The following GPD2 variants were observed in gnomAD, a reference collection of about 807,000 sequenced individuals.
The protein encoded by GPD2 is glycerol-3-phosphate dehydrogenase, mitochondrial.
A neutral mutation model predicts 82.4 loss-of-function variants in GPD2; 54 were observed. That is an observed-to-expected ratio of 0.66 (90% CI 0.53 to 0.82). The LOEUF (loss-of-function observed/expected upper bound fraction) is 0.82. Among genes scored for constraint, GPD2 ranks in the 40% least tolerant of loss-of-function variants. The pLI is 0.00. For synonymous variants in GPD2, 288 were observed against 306.1 expected (o/e 0.94, Z 0.62); for missense variants, 748 against 896.2 (o/e 0.83, Z 2.11).
chr2:156,508,883 A>T (rs1462233476), intron 3 of GPD2, among the ~76,000 whole-genome samples: 1 of 152,152 alleles, frequency 6.6e-6, no homozygotes, highest in Admixed American at 6.5e-5. Context: ...GTGGAGTATG[A>T]TGAGAGTCTT....
chr2:156,502,088 C>G (rs1684604185), intron 3 of GPD2, among the ~76,000 whole-genome samples: 1 of 136,666 alleles, frequency 7.3e-6, no homozygotes, highest in African/African-American at 2.7e-5. Context: ...CCACTCCCCC[C>G]GATTTATATA....
At chr2:156,418,727 C>G in the GPD2 span, among the ~76,000 whole-genome samples, 1 of 152,118 alleles carries the variant, frequency 6.6e-6, no homozygotes, top group African/African-American at 2.4e-5. Context: ...CCAAAGCTTT[C>G]ATACAATCCT....
upstream of GPD2, among the ~76,000 whole-genome samples, chr2:156,434,832 T>G (rs948914345): frequency 1.3e-5 from 2 of 152,232 alleles, no homozygotes; most frequent in African/African-American, 4.8e-5. Context: ...CCCCAGAGTC[T>G]ATGAATCAGG....
At chr2:156,486,404 G>C (rs999460783) in intron 2 of GPD2, among the ~76,000 whole-genome samples, 1 of 152,248 alleles carries the variant, frequency 6.6e-6, no homozygotes, top group African/African-American at 2.4e-5. Flanking sequence ...TTGACAGCTG[G>C]TGAGCTGCTA....
At chr2:156,418,767 G>T in the GPD2 span, among the ~76,000 whole-genome samples, 2 of 152,166 alleles carry the variant, frequency 1.3e-5, no homozygotes, top group Non-Finnish European at 2.9e-5. Flanking sequence ...GGAAGAAGGG[G>T]AATTCTGTTG....
intron 9 of GPD2, among the ~76,000 whole-genome samples, chr2:156,566,730 T>C (rs1203455775): frequency 6.6e-6 from 1 of 152,158 alleles, no homozygotes; most frequent in Non-Finnish European, 1.5e-5. Context: ...GAAGTGTAAT[T>C]GCTAGATCTT....
the GPD2 span, among the ~76,000 whole-genome samples, chr2:156,426,720 C>A: frequency 6.6e-6 from 1 of 152,030 alleles, no homozygotes; most frequent in Non-Finnish European, 1.5e-5. Flanking sequence ...CTCAGAGAAG[C>A]CTTTTGTCCT....
chr2:156,456,352 G>A (rs1400777606), intron 1 of GPD2, among the ~76,000 whole-genome samples: 20 of 151,962 alleles, frequency 1.3e-4, no homozygotes, highest in Admixed American at 1.2e-3. Flanking sequence ...ATCTATAACC[G>A]TAGCACTTTG....
chr2:156,456,157 G>A (rs938468433), intron 1 of GPD2, among the ~76,000 whole-genome samples: 6 of 152,012 alleles, frequency 3.9e-5, no homozygotes, highest in Non-Finnish European at 8.8e-5. Context: ...AATCATTAAC[G>A]TTTTCAGTGG....
intron 1 of GPD2, among the ~76,000 whole-genome samples, chr2:156,461,153 C>G (rs1409869698): frequency 7.9e-6 from 1 of 127,350 alleles, no homozygotes; most frequent in Non-Finnish European, 1.6e-5. Context: ...CATTATCTCT[C>G]TCTATCTCTT....
chr2:156,454,229 G>A (rs1682714634), intron 1 of GPD2, among the ~76,000 whole-genome samples: 1 of 152,168 alleles, frequency 6.6e-6, no homozygotes, highest in South Asian at 2.1e-4. Flanking sequence ...GGTTCTGGGG[G>A]CCTTTTGTGA....
intron 1 of GPD2, among the ~76,000 whole-genome samples, chr2:156,465,600 T>C (rs1683127187): frequency 6.6e-6 from 1 of 152,012 alleles, no homozygotes; most frequent in African/African-American, 2.4e-5. Context: ...CCTCAAGGGG[T>C]CCTCCTGCCT....
intron 6 of GPD2, among the ~76,000 whole-genome samples, chr2:156,514,859 A>C (rs1685141896): frequency 6.6e-6 from 1 of 152,134 alleles, no homozygotes; most frequent in Non-Finnish European, 1.5e-5. Flanking sequence ...CTTTCTCTGC[A>C]TTGGACCCTT....
rs182639988 is a variant in GPD2, at chr2:156,550,068, A to G, written c.826+296A>G. On this transcript the variant is annotated intron_variant, in intron 7 of 16. Transcript: ENST00000438166. ...TTTTCTTTACAAAAACATGTTATTA[A>G]TAAAATTAAATAAATGTGCCAAGTT... Among the ~76,000 whole-genome samples, 425 of 152,364 alleles carry G rather than the reference A, an allele frequency of 2.8e-3. 3 individuals carry two copies. Among genetic ancestry groups the G allele is most frequent in the African/African-American group, 9.5e-3 (394 of 41,580 alleles).
At chr2:156,447,917 C>G (rs1682424646) in intron 1 of GPD2, among the ~76,000 whole-genome samples, 1 of 152,170 alleles carries the variant, frequency 6.6e-6, no homozygotes, top group Non-Finnish European at 1.5e-5. Context: ...AGTCAACATT[C>G]TTGGGCAGAC....
chr2:156,455,732 C>T (rs894161234), intron 1 of GPD2, among the ~76,000 whole-genome samples: 3 of 125,026 alleles, frequency 2.4e-5, no homozygotes, highest in African/African-American at 5.6e-5. Flanking sequence ...AATCCCTTAG[C>T]GCCTTGTCCT....
At chr2:156,513,554 G>A (rs185035596) in intron 6 of GPD2, 58 bp downstream of exon 6, 493 of 1,295,088 alleles carry the variant, frequency 3.8e-4, no homozygotes, top group Non-Finnish European at 4.8e-4. Flanking sequence ...CTCATGACCC[G>A]TATAGTGTAT....
intron 9 of GPD2, among the ~76,000 whole-genome samples, chr2:156,562,468 T>G (rs1218198119): frequency 6.6e-6 from 1 of 152,200 alleles, no homozygotes; most frequent in East Asian, 1.9e-4. Flanking sequence ...TTTCAGCAGG[T>G]TAAACATGCT....
upstream of GPD2, chr2:156,435,440 GTTT>G (rs1175590351): frequency 1.4e-5 from 2 of 142,004 alleles, no homozygotes; most frequent in Admixed American, 7.0e-5. Flanking sequence ...GGGCAGGGTC[GTTT>G]TTTTTTTTTG....
Sources: gnomAD v4.1 joint callset for allele counts (sites outside exome capture counted in the v4.1 genomes callset) on GRCh38, gnomAD v4.1.1 for gene constraint, MANE v1.5 for transcripts, NCBI Gene and HGNC (gene_info 2026-07-23, HGNC 2026-07-21) for gene names.